The following EPHA5 variants were observed in gnomAD, a reference collection of about 807,000 sequenced individuals.
EPHA5 encodes ephrin type-A receptor 5.
Under a neutral mutation model 105.0 loss-of-function variants are expected in EPHA5, and 60 were observed. The ratio of observed to expected loss-of-function variants is 0.57; its 90% CI spans 0.46 to 0.71. The LOEUF (loss-of-function observed/expected upper bound fraction) is 0.71, where lower values mean the gene tolerates loss of function less well. Among genes scored for constraint, EPHA5 ranks in the 30% least tolerant of loss-of-function variants. The pLI, the probability that EPHA5 is intolerant of heterozygous loss-of-function variation, is 0.00. For synonymous variants in EPHA5, 513 were observed against 449.1 expected, an observed-to-expected ratio of 1.14 and a Z score of -1.80; for missense variants, 1,218 against 1,274.7, an observed-to-expected ratio of 0.96 and a Z score of 0.68.
chr4:65,537,196 C>T (rs1478985487), intron 3 of EPHA5, among the ~76,000 whole-genome samples: 1 of 151,720 alleles, frequency 6.6e-6, no homozygotes, highest in East Asian at 1.9e-4. Context: ...CACTTATTTT[C>T]CAATAGATTC....
chr4:65,526,445 ATC>A (rs1365713219), intron 3 of EPHA5, among the ~76,000 whole-genome samples: 4 of 151,970 alleles, frequency 2.6e-5, no homozygotes, highest in Non-Finnish European at 5.9e-5. Flanking sequence ...TAAAATTTAA[ATC>A]TGTCTTTACA....
chr4:65,444,328 A>G (rs946979031), intron 5 of EPHA5, among the ~76,000 whole-genome samples: 2 of 152,190 alleles, frequency 1.3e-5, no homozygotes, highest in Non-Finnish European at 2.9e-5. Flanking sequence ...TCTAGCCAGC[A>G]TCTATTATAT....
At position 65,439,924 on chromosome 4, in the gene EPHA5, T is replaced by A. The variant is rs1293914420; in HGVS notation, c.1403-19359A>T. On this transcript the variant is annotated intron_variant, in intron 5 of 16. Coordinates refer to ENST00000613740, the MANE Select transcript of EPHA5 (RefSeq NM_001281766.3). ...GTTTGCATTATGAAAGATTATGTCA[T>A]GTTTGTAGCTATCATGTTAATTATG... Among the ~76,000 whole-genome samples, 3 of 152,150 alleles carry A rather than the reference T, an allele frequency of 2.0e-5. No individual in the cohort carries two copies. In the East Asian group the frequency reaches 5.8e-4, roughly 29 times the overall value.
intron 3 of EPHA5, among the ~76,000 whole-genome samples, chr4:65,562,396 T>C (rs1739101154): frequency 6.6e-6 from 1 of 152,084 alleles, no homozygotes; most frequent in Non-Finnish European, 1.5e-5. Context: ...TGACCATAAA[T>C]ATTTGCAGAC....
intron 3 of EPHA5, 71 bp downstream of exon 3, chr4:65,601,570 A>G (rs1000502622): frequency 3.0e-6 from 4 of 1,349,256 alleles, no homozygotes; most frequent in Non-Finnish European, 4.1e-6. Context: ...CCTCATAATC[A>G]TTGGAGGAAA....
intron 7 of EPHA5, among the ~76,000 whole-genome samples, chr4:65,410,793 A>G (rs1281537557): frequency 6.6e-6 from 1 of 152,172 alleles, no homozygotes; most frequent in Non-Finnish European, 1.5e-5. Flanking sequence ...CAATATCATT[A>G]TTTCCTCATT....
At chr4:65,329,811 T>G (rs1395101613) in intron 16 of EPHA5, among the ~76,000 whole-genome samples, 1 of 30,516 alleles carries the variant, frequency 3.3e-5, no homozygotes, top group Non-Finnish European at 8.4e-5. Context: ...ATGACTGACT[T>G]TTTTTTTTTT....
At chr4:65,340,480 C>T (rs1411651567) in intron 14 of EPHA5, among the ~76,000 whole-genome samples, 1 of 151,982 alleles carries the variant, frequency 6.6e-6, no homozygotes, top group Admixed American at 6.6e-5. Context: ...ACAGTGGGGG[C>T]AGGGAGAAAT....
chr4:65,384,237 A>G (rs1719869576), intron 8 of EPHA5, among the ~76,000 whole-genome samples: 1 of 151,898 alleles, frequency 6.6e-6, no homozygotes. Context: ...CTTCACCCTC[A>G]AGGTGTAGTT....
chr4:65,585,122 G>C (rs1172786513), intron 3 of EPHA5, among the ~76,000 whole-genome samples: 1 of 141,402 alleles, frequency 7.1e-6, no homozygotes, highest in Non-Finnish European at 1.5e-5. Context: ...ATGTGTGTTT[G>C]TGTGTGTGTG....
At chr4:65,384,906 C>G (rs961312195) in intron 8 of EPHA5, among the ~76,000 whole-genome samples, 10 of 151,514 alleles carry the variant, frequency 6.6e-5, no homozygotes, top group East Asian at 5.9e-4. Flanking sequence ...TTTCTAGGAG[C>G]CTAAATTTGC....
At chr4:65,480,868 T>TTAA (rs36050106) in intron 5 of EPHA5, among the ~76,000 whole-genome samples, 61,508 of 149,334 alleles carry the variant, frequency 0.41, 12,859 homozygotes, top group South Asian at 0.48. Context: ...AATACAAACA[T>TTAA]TAATAATAAT....
At chr4:65,643,604 A>T (rs974109861) in intron 1 of EPHA5, among the ~76,000 whole-genome samples, 177 bp from the exon 2 acceptor site, 1 of 151,982 alleles carries the variant, frequency 6.6e-6, no homozygotes, top group African/African-American at 2.4e-5. Context: ...AGAACAAATG[A>T]TTTTAAATAA....
rs1306100263 is a variant in EPHA5, at chr4:65,332,082, A to G, written c.2836T>C (p.Tyr946His). ...TCTAGCCATTCACCTACTGATCTGT[A>G]GGCCCCAGATCCTAGTGGGCTATGT... ...AEHSPLGSGA[Y>H]RSVGEWLEAI... The change falls in exon 16 of 17, where the codon TAC (tyrosine) becomes CAC (histidine). Residue 946 changes from tyrosine (Y) to histidine (H), a missense_variant. Tyr to His is a moderately conservative substitution (Grantham distance 83, BLOSUM62 2). Transcript: ENST00000613740. 3 of 1,611,046 alleles carry G rather than the reference A, an allele frequency of 1.9e-6. No homozygotes were observed. Among genetic ancestry groups the G allele is most frequent in the East Asian group, 4.5e-5 (2 of 44,784 alleles).
chr4:65,563,322 A>G (rs1458697956), intron 3 of EPHA5, among the ~76,000 whole-genome samples: 1 of 152,086 alleles, frequency 6.6e-6, no homozygotes, highest in African/African-American at 2.4e-5. Flanking sequence ...TTTTAAGAGA[A>G]GTCTTCAGTT....
At chr4:65,505,349 T>A (rs1732903060) in intron 3 of EPHA5, among the ~76,000 whole-genome samples, 1 of 152,038 alleles carries the variant, frequency 6.6e-6, no homozygotes, top group Non-Finnish European at 1.5e-5. Context: ...GTCATTTTGG[T>A]CTTATGAACA....
At chr4:65,363,460 T>A (rs80019948) in intron 11 of EPHA5, among the ~76,000 whole-genome samples, 1 of 151,432 alleles carries the variant, frequency 6.6e-6, no homozygotes, top group East Asian at 1.9e-4. Flanking sequence ...TGGTCTTCCA[T>A]GATAATAACA....
intron 3 of EPHA5, among the ~76,000 whole-genome samples, chr4:65,600,885 C>A (rs67116724): frequency 0.061 from 9,310 of 151,854 alleles, 387 homozygotes; most frequent in Admixed American, 0.11. Context: ...CACCACACTG[C>A]GGGCAAAATG....
chr4:65,573,748 G>A (rs1740486299), intron 3 of EPHA5: 1 of 1,608,630 alleles, frequency 6.2e-7, no homozygotes, highest in East Asian at 2.2e-5. Context: ...AAACCAGTTG[G>A]TGGTGACAAG....
Sources: allele counts gnomAD v4.1 joint callset (sites outside exome capture counted in the v4.1 genomes callset), GRCh38; gene constraint gnomAD v4.1.1; transcripts MANE v1.5; gene names NCBI Gene and HGNC (gene_info 2026-07-23, HGNC 2026-07-21).